The following KDM1A variants were observed in gnomAD, a reference collection of about 807,000 sequenced individuals.
KDM1A encodes lysine-specific histone demethylase 1A.
A neutral mutation model predicts 109.4 loss-of-function variants in KDM1A; 49 were observed. That is an observed-to-expected ratio of 0.45 (90% confidence interval 0.36 to 0.57). KDM1A has a LOEUF of 0.57. Among genes scored for constraint, KDM1A ranks in the 20% least tolerant of loss-of-function variants. KDM1A has a pLI of 0.00. For missense variants in KDM1A, 668 were observed against 1,116.6 expected (o/e 0.60, Z 5.73); for synonymous variants, 380 against 415.4 (o/e 0.91, Z 1.04).
At chr1:23,047,375 A>G (rs1169836156) in intron 3 of KDM1A, among the ~76,000 whole-genome samples, 1 of 152,200 alleles carries the variant, frequency 6.6e-6, no homozygotes, top group Non-Finnish European at 1.5e-5. Context: ...GAGTATTGAG[A>G]ATAGCTAGTT....
intron 2 of KDM1A, among the ~76,000 whole-genome samples, chr1:23,039,452 C>T (rs775826196): frequency 3.9e-5 from 6 of 152,170 alleles, no homozygotes; most frequent in Non-Finnish European, 8.8e-5. Flanking sequence ...TAATCCATCT[C>T]GTACAAAGTG....
intron 2 of KDM1A, among the ~76,000 whole-genome samples, chr1:23,042,440 A>ATTTTTTTTT (rs769149894): frequency 1.9e-4 from 4 of 21,558 alleles, no homozygotes; most frequent in African/African-American, 3.3e-4. Flanking sequence ...GAAATATATT[A>ATTTTTTTTT]TTTTTTTTTT....
At chr1:23,073,230 C>T (rs775946140) in intron 14 of KDM1A, 62 bp from the exon 15 acceptor site, 2 of 873,902 alleles carry the variant, frequency 2.3e-6, no homozygotes, top group Non-Finnish European at 1.9e-6. Flanking sequence ...AGATCACCTA[C>T]ATCACACTGA....
intron 4 of KDM1A, among the ~76,000 whole-genome samples, chr1:23,051,962 C>T (rs1206403946): frequency 6.6e-6 from 1 of 152,038 alleles, no homozygotes; most frequent in Non-Finnish European, 1.5e-5. Flanking sequence ...AGTGTGTAGT[C>T]GCTGATTTGT....
Position 23,079,449 on chromosome 1 carries a change from T to C in KDM1A, c.2056-104T>C. The C allele has an allele frequency of 1.1e-6, 1 of 870,936 alleles. No homozygotes were observed. Among genetic ancestry groups the C allele is most frequent in the Non-Finnish European group, 1.8e-6 (1 of 549,210 alleles). 54.0% of individuals were successfully genotyped at this position (870,936 alleles called of 1,614,324 possible). ...TGTCATCCTAAATAATAAGGATTGCTGGGCTTATTTTGAAAGCAGATTAGA... is the reference window on the plus strand; with the variant it reads ...TGTCATCCTAAATAATAAGGATTGCCGGGCTTATTTTGAAAGCAGATTAGA... On this transcript the variant is annotated intron_variant, in intron 17 of 20. Transcript: ENST00000400181. The surrounding 1 kb of genome is among the most constrained non-coding windows in gnomAD (Gnocchi z 5.6).
chr1:23,044,541 T>A lies in KDM1A; in HGVS notation c.577+55T>A, dbSNP rs537267468. On this transcript the variant is annotated intron_variant, in intron 3 of 20. Transcript: ENST00000400181. Reference sequence around the variant, plus strand: ...AGTAGCAAGAGCCGCCAAGTAGGAATTGATGCTTGCAAGTGTTTTTGGCTG... The same window carrying A: ...AGTAGCAAGAGCCGCCAAGTAGGAAATGATGCTTGCAAGTGTTTTTGGCTG... 7 of 1,471,420 alleles carry A rather than the reference T, an allele frequency of 4.8e-6. No individual in the cohort carries two copies. In the South Asian group the frequency reaches 7.7e-5, roughly 16 times the overall value. 91.1% of individuals were successfully genotyped at this position (1,471,420 alleles called of 1,614,324 possible). A position where few individuals can be genotyped will look rare whatever the true frequency, so the allele number is the denominator to read the frequency against.
intron 3 of KDM1A, 140 bp downstream of exon 3, chr1:23,044,626 T>C: frequency 1.5e-6 from 1 of 667,138 alleles, no homozygotes; most frequent in South Asian, 2.0e-5. Context: ...CATAATAGTA[T>C]AGTAGGAGAG....
chr1:23,073,449 G>T, intron 15 of KDM1A, 46 bp downstream of exon 15: 1 of 994,148 alleles, frequency 1.0e-6, no homozygotes, highest in African/African-American at 1.6e-5. Context: ...CCTTTGAGAG[G>T]GATTGTAAGA....
chr1:23,031,727 A>G (rs1641986695), intron 2 of KDM1A, among the ~76,000 whole-genome samples: 1 of 152,196 alleles, frequency 6.6e-6, no homozygotes. Flanking sequence ...CAAATTTATA[A>G]TTTATAGGAT....
chr1:23,026,396 T>TGG (rs1557497544), intron 1 of KDM1A, among the ~76,000 whole-genome samples: 1 of 97,682 alleles, frequency 1.0e-5, no homozygotes, highest in African/African-American at 2.7e-5. Flanking sequence ...GTCTGTTTGT[T>TGG]TTTTTTTTTT....
At chr1:23,072,228 G>A (rs1375693844) in intron 14 of KDM1A, 31 bp downstream of exon 14, 2 of 1,500,970 alleles carry the variant, frequency 1.3e-6, no homozygotes, top group Non-Finnish European at 1.8e-6. Context: ...AGTTCAGAGG[G>A]AGAGCTTTTA....
Position 23,083,163 on chromosome 1 carries a change from T to C in KDM1A, c.2446-16T>C. Reference sequence around the variant, plus strand: ...TATGTGCAGCCTGCCAATTTTCTCTTTTTCCCCTAAAATAGCCGATTCCAC... The same window carrying C: ...TATGTGCAGCCTGCCAATTTTCTCTCTTTCCCCTAAAATAGCCGATTCCAC... On this transcript the variant is annotated splice_polypyrimidine_tract_variant and intron_variant, in intron 20 of 20. Transcript: ENST00000400181. 2 of 1,600,506 alleles carry C rather than the reference T, an allele frequency of 1.2e-6. No homozygotes were observed. Among genetic ancestry groups the C allele is most frequent in the Non-Finnish European group, 1.7e-6 (2 of 1,169,312 alleles).
intron 14 of KDM1A, 24 bp from the exon 15 acceptor site, chr1:23,073,268 C>G: frequency 8.3e-7 from 1 of 1,198,724 alleles, no homozygotes; most frequent in Non-Finnish European, 1.2e-6. Flanking sequence ...TTTAATAATC[C>G]TGTAGTCCTT....
At chr1:23,027,655 C>T (rs1231116721) in intron 1 of KDM1A, among the ~76,000 whole-genome samples, 2 of 150,548 alleles carry the variant, frequency 1.3e-5, no homozygotes, top group African/African-American at 2.4e-5. Context: ...GAAGTGGGCT[C>T]AAATGATCCT....
intron 12 of KDM1A, among the ~76,000 whole-genome samples, chr1:23,069,804 C>T (rs752932302): frequency 9.2e-5 from 14 of 152,236 alleles, no homozygotes; most frequent in Non-Finnish European, 1.5e-4. Flanking sequence ...TCTCTGCCAC[C>T]GCCTTCCAGA....
At chr1:23,027,721 CTTT>C (rs34716853) in intron 1 of KDM1A, among the ~76,000 whole-genome samples, 2 of 136,520 alleles carry the variant, frequency 1.5e-5, no homozygotes, top group African/African-American at 2.7e-5. Flanking sequence ...CGCTCCCAGC[CTTT>C]TTTTTTTTTT....
chr1:23,031,866 T>C (rs977675193), intron 2 of KDM1A, among the ~76,000 whole-genome samples: 1 of 152,236 alleles, frequency 6.6e-6, no homozygotes, highest in Non-Finnish European at 1.5e-5. Flanking sequence ...AATGATTTCT[T>C]GGGCAACTCC....
chr1:23,082,006 A>T (rs1643633748), intron 19 of KDM1A: 4 of 255,890 alleles, frequency 1.6e-5, no homozygotes, highest in Non-Finnish European at 2.6e-5. Context: ...GGATTCATAG[A>T]CAGGAAGGCA....
At position 23,044,455 on chromosome 1, in the gene KDM1A, T is replaced by A. The variant is rs760854125; in HGVS notation, c.546T>A (p.Ser182Arg). ...SGQAGGLQDD[S>R]SGGYGDGQAS... is the part of the protein sequence containing the mutation. ...AAGCAGGAGGACTTCAAGACGACAG[T>A]TCTGGAGGGTATGGAGACGGCCAAG... Residue 182 changes from serine (S) to arginine (R), a missense_variant, in exon 3 of 21, where the codon AGT becomes AGA. Ser to Arg is a moderately radical substitution (Grantham distance 110, BLOSUM62 -1). Around this residue, in one of 8 missense-constraint regions of KDM1A, gnomAD observed 149 missense variants for 189.7 expected, o/e 0.79. Coordinates refer to ENST00000400181, the MANE Select transcript of KDM1A (RefSeq NM_001009999.3). The A allele has an allele frequency of 6.2e-7, 1 of 1,613,120 alleles. No homozygotes were observed. Among genetic ancestry groups the A allele is most frequent in the South Asian group, 1.1e-5 (1 of 90,946 alleles).
Sources: allele counts gnomAD v4.1 joint callset (sites outside exome capture counted in the v4.1 genomes callset), GRCh38; gene constraint gnomAD v4.1.1; regional missense constraint gnomAD v4.1.1; non-coding constraint Gnocchi (gnomAD v3.1); transcripts MANE v1.5; gene names NCBI Gene and HGNC (gene_info 2026-07-23, HGNC 2026-07-21).